Variants in AKNAD1 observed in about 807,000 individuals in gnomAD.
The protein encoded by AKNAD1 is AKNA domain containing 1.
AKNAD1 carries 67 observed loss-of-function variants against 90.8 expected under a neutral mutation model. That is an observed-to-expected ratio of 0.74 (90% CI 0.61 to 0.90). AKNAD1 has a LOEUF of 0.90. Among genes scored for constraint, AKNAD1 ranks in the 40% least tolerant of loss-of-function variants. The probability of loss-of-function intolerance (pLI) is 0.00; values close to 1 mark genes in which losing one functional copy is unlikely to be tolerated. For missense variants in AKNAD1, 957 were observed against 975.4 expected (o/e 0.98, Z 0.25); for synonymous variants, 327 against 341.4 (o/e 0.96, Z 0.46).
chr1:108,853,071 TG>T (rs1664918970), intron 1 of AKNAD1, among the ~76,000 whole-genome samples: 1 of 151,960 alleles, frequency 6.6e-6, no homozygotes, highest in Admixed American at 6.6e-5. Flanking sequence ...AGATAGTATT[TG>T]GAGTTTATTC....
chr1:108,839,893 C>T (rs1169219240), intron 6 of AKNAD1, among the ~76,000 whole-genome samples: 1 of 151,912 alleles, frequency 6.6e-6, no homozygotes, highest in Non-Finnish European at 1.5e-5. Flanking sequence ...GGAGTGGTGG[C>T]ATGCACCTGT....
chr1:108,848,593 C>G (rs1007673686), intron 5 of AKNAD1, among the ~76,000 whole-genome samples, 159 bp downstream of exon 5: 1 of 152,168 alleles, frequency 6.6e-6, no homozygotes, highest in African/African-American at 2.4e-5. Context: ...AAACAGAATT[C>G]TAAGCTCTTT....
At chr1:108,823,838 A>G in intron 11 of AKNAD1, 150 bp from the exon 12 acceptor site, 1 of 1,168,272 alleles carries the variant, frequency 8.6e-7, no homozygotes, top group Non-Finnish European at 1.2e-6. Flanking sequence ...AGGAGTTGCC[A>G]GCCTGGGGTA....
At chr1:108,836,368 T>A (rs1350610364) in intron 7 of AKNAD1, among the ~76,000 whole-genome samples, 1 of 152,026 alleles carries the variant, frequency 6.6e-6, no homozygotes, top group African/African-American at 2.4e-5. Context: ...TCCTGGGCTT[T>A]CAGCTGGACA....
intron 1 of AKNAD1, among the ~76,000 whole-genome samples, chr1:108,855,024 T>G (rs1664989403): frequency 6.6e-6 from 1 of 152,110 alleles, no homozygotes; most frequent in African/African-American, 2.4e-5. Flanking sequence ...AAAACCAGTC[T>G]CAGTATTGGA....
chr1:108,823,672 G>A lies in AKNAD1; in HGVS notation c.1953C>T (p.His651=), dbSNP rs1663897235. The change falls in exon 12 of 16, where the codon CAC becomes CAT. Residue 651 remains histidine, a synonymous_variant. Transcript: ENST00000370001. Reference sequence around the variant, plus strand: ...CAGTGCCAGAATCAGAACAGAAGCTGTGTCCTGTATCAGAATCTGAAAAAG... The same window carrying A: ...CAGTGCCAGAATCAGAACAGAAGCTATGTCCTGTATCAGAATCTGAAAAAG... ...SDSTPNSDTG[H]SFCSDSGTEM... 2 of 1,613,938 alleles carry A rather than the reference G, an allele frequency of 1.2e-6. No homozygotes were observed. The highest frequency in any genetic ancestry group is 1.1e-5 in the South Asian group (1 of 91,086).
At chr1:108,822,558 G>A (rs1663851363) in intron 13 of AKNAD1, among the ~76,000 whole-genome samples, 1 of 152,112 alleles carries the variant, frequency 6.6e-6, no homozygotes, top group Non-Finnish European at 1.5e-5. Flanking sequence ...ACACAGCTGA[G>A]GTCAGTCAGG....
intron 5 of AKNAD1, among the ~76,000 whole-genome samples, chr1:108,847,640 T>C (rs1320854343): frequency 2.0e-5 from 3 of 150,568 alleles, no homozygotes; most frequent in Non-Finnish European, 4.4e-5. Context: ...CAGCACTTCC[T>C]CACCCCTGTG....
intron 7 of AKNAD1, chr1:108,836,709 G>A (rs879187661): frequency 6.6e-6 from 1 of 152,172 alleles, no homozygotes; most frequent in Admixed American, 6.6e-5. Context: ...TTCAAATACT[G>A]TATGAAACTA....
chr1:108,816,292 G>A lies in AKNAD1; in HGVS notation c.2390C>T (p.Ser797Leu), dbSNP rs990698034. The change falls in exon 16 of 16, where the codon TCG (serine) becomes TTG (leucine). Residue 797 changes from serine (S) to leucine (L), a missense_variant. Coordinates refer to ENST00000370001, the MANE Select transcript of AKNAD1 (RefSeq NM_152763.5). ...TEEIKSEILN[S>L]ALDHALRTAT... ...TGTCCTTAGGGCATGATCCAAAGCC[G>A]AGTTTAAAATCTACAGAGGAAAAGT... 11 of 1,609,966 alleles carry A rather than the reference G, an allele frequency of 6.8e-6. No individual in the cohort carries two copies. The East Asian group carries it at 1.3e-4, about 20-fold the overall frequency.
intron 10 of AKNAD1, among the ~76,000 whole-genome samples, chr1:108,829,754 C>T (rs1664127263): frequency 6.6e-6 from 1 of 152,292 alleles, no homozygotes. Flanking sequence ...GAATCCATTA[C>T]GTACATATAA....
intron 15 of AKNAD1, 169 bp downstream of exon 15, chr1:108,816,879 G>A (rs1005704000): frequency 3.2e-5 from 22 of 692,612 alleles, no homozygotes; most frequent in African/African-American, 2.7e-4. Flanking sequence ...CAAACCTTGC[G>A]ACTGCTGAGG....
chr1:108,832,727 A>G (rs1378961291), intron 9 of AKNAD1, among the ~76,000 whole-genome samples: 1 of 152,250 alleles, frequency 6.6e-6, no homozygotes, highest in Non-Finnish European at 1.5e-5. Flanking sequence ...GCGAGTGGCC[A>G]AGAAACATAT....
Position 108,823,119 on chromosome 1 carries a change from T to C in AKNAD1, c.2167+251A>G, listed in dbSNP as rs753551294. 9 of 684,260 alleles carry C rather than the reference T, an allele frequency of 1.3e-5. No homozygotes were observed. The South Asian group carries it at 1.4e-4, about 11-fold the overall frequency. 42.4% of individuals were successfully genotyped at this position (684,260 alleles called of 1,614,324 possible). A position where few individuals can be genotyped will look rare whatever the true frequency, so the allele number is the denominator to read the frequency against. ...TTTATGGGTTGCTACCAACTTGCAC[T>C]GGTGTAGCCCTTAATAACTTTCAAA... On this transcript the variant is annotated intron_variant, in intron 13 of 15. Coordinates refer to ENST00000370001, the MANE Select transcript of AKNAD1 (RefSeq NM_152763.5).
At chr1:108,837,991 A>T (rs1379139275) in intron 6 of AKNAD1, among the ~76,000 whole-genome samples, 1 of 152,174 alleles carries the variant, frequency 6.6e-6, no homozygotes, top group Non-Finnish European at 1.5e-5. Context: ...TACCTTACTT[A>T]TCTGGATTTG....
In AKNAD1 at chr1:108,850,011, A is replaced by G. The variant is rs182868375; in HGVS notation, c.994-435T>C. The stretch of plus-strand genomic sequence containing the variant: ...AGGGACCATGGCTGGTCTTGTCACC[A>G]GCTCTGTTGCTGGTGCTGTCACTAA... On this transcript the variant is annotated intron_variant, in intron 2 of 15. Coordinates refer to ENST00000370001, the MANE Select transcript of AKNAD1 (RefSeq NM_152763.5). Among the ~76,000 whole-genome samples the G allele has an allele frequency of 2.2e-3, 338 of 152,320 alleles. 4 individuals carry two copies. The highest frequency in any genetic ancestry group is 0.013 in the South Asian group (64 of 4,820).
intron 6 of AKNAD1, 100 bp downstream of exon 6, chr1:108,843,034 C>G (rs1664597636): frequency 6.9e-7 from 1 of 1,458,242 alleles, no homozygotes; most frequent in Non-Finnish European, 9.3e-7. Context: ...GACCCTAGAC[C>G]AGTGGCTCTC....
intron 6 of AKNAD1, among the ~76,000 whole-genome samples, chr1:108,838,260 A>G (rs1001746219): frequency 6.6e-6 from 1 of 152,112 alleles, no homozygotes; most frequent in African/African-American, 2.4e-5. Context: ...AAAATCCAAA[A>G]TATTAAAAAT....
intron 5 of AKNAD1, among the ~76,000 whole-genome samples, chr1:108,846,760 C>T (rs1359268090): frequency 6.6e-6 from 1 of 152,106 alleles, no homozygotes; most frequent in African/African-American, 2.4e-5. Flanking sequence ...ACCCAAACAG[C>T]TCTGCAGGCC....
Sources: gnomAD v4.1 joint callset for allele counts (sites outside exome capture counted in the v4.1 genomes callset) on GRCh38, gnomAD v4.1.1 for gene constraint, MANE v1.5 for transcripts, NCBI Gene and HGNC (gene_info 2026-07-23, HGNC 2026-07-21) for gene names.